CCDC3: variants seen among roughly 807,000 people sequenced by gnomAD.
The protein encoded by CCDC3 is coiled-coil domain-containing protein 3.
CCDC3 carries 24 observed loss-of-function variants against 21.4 expected under a neutral mutation model. That is an observed-to-expected ratio of 1.12 (90% CI 0.81 to 1.58). The LOEUF (loss-of-function observed/expected upper bound fraction) is 1.58. Among genes scored for constraint, CCDC3 ranks in the 40% most tolerant of loss-of-function variants. CCDC3 has a pLI of 0.00. For missense variants in CCDC3, 425 were observed against 360.9 expected (o/e 1.18, Z -1.44); for synonymous variants, 186 against 166.0 (o/e 1.12, Z -0.93).
At chr10:13,077,345 G>C (rs900991613) in intron 3 of CCDC3, among the ~76,000 whole-genome samples, 1 of 152,098 alleles carries the variant, frequency 6.6e-6, no homozygotes, top group Admixed American at 6.6e-5. Flanking sequence ...AACCACTGCT[G>C]AACGAAATAA....
chr10:12,910,786 G>C (rs1173468314), intron 2 of CCDC3, among the ~76,000 whole-genome samples: 1 of 151,752 alleles, frequency 6.6e-6, no homozygotes, highest in Non-Finnish European at 1.5e-5. Flanking sequence ...GTAGAGGCAG[G>C]GTTTCACCAT....
chr10:12,923,915 C>T (rs994157513), intron 2 of CCDC3, among the ~76,000 whole-genome samples: 12 of 152,218 alleles, frequency 7.9e-5, no homozygotes, highest in African/African-American at 2.2e-4. Flanking sequence ...CAACCCTGCT[C>T]CTCTACCCAC....
chr10:12,975,831 CA>C (rs1490756774), intron 2 of CCDC3, among the ~76,000 whole-genome samples: 1 of 152,168 alleles, frequency 6.6e-6, no homozygotes, highest in African/African-American at 2.4e-5. Context: ...AGCCCAATCC[CA>C]AATTGCAGGT....
chr10:12,908,133 G>C (rs533762616), intron 2 of CCDC3, among the ~76,000 whole-genome samples: 189 of 152,206 alleles, frequency 1.2e-3, no homozygotes, highest in Non-Finnish European at 2.4e-3. Context: ...AGATCATAAA[G>C]CCACGTCTTC....
intron 2 of CCDC3, among the ~76,000 whole-genome samples, chr10:12,941,132 G>A (rs7083713): frequency 6.6e-6 from 1 of 152,116 alleles, no homozygotes. Context: ...GATAAAACAG[G>A]TTGCAGTAAA....
At chr10:12,908,627 T>TTTTTA (rs1834216183) in intron 2 of CCDC3, among the ~76,000 whole-genome samples, 1 of 151,456 alleles carries the variant, frequency 6.6e-6, no homozygotes. Context: ...TTTTTTTTTT[T>TTTTTA]GAGACAGAGT....
chr10:12,967,729 G>T (rs1474791509), intron 2 of CCDC3, among the ~76,000 whole-genome samples: 1 of 152,100 alleles, frequency 6.6e-6, no homozygotes, highest in African/African-American at 2.4e-5. Flanking sequence ...AAACATAGGG[G>T]CAAAGGGGTA....
At chr10:13,098,640 G>T (rs943340294) in intron 2 of CCDC3, 1 of 149,608 alleles carries the variant, frequency 6.7e-6, no homozygotes, top group Non-Finnish European at 1.5e-5. Flanking sequence ...ATTAGAGATC[G>T]TCATTCCATT....
chr10:12,953,418 C>A (rs770851845), intron 2 of CCDC3, among the ~76,000 whole-genome samples: 17 of 152,178 alleles, frequency 1.1e-4, no homozygotes, highest in Non-Finnish European at 2.4e-4. Context: ...GTCTTTATAT[C>A]CCCAATACTA....
chr10:13,093,024 AC>A (rs1460899900), intron 3 of CCDC3, among the ~76,000 whole-genome samples: 1 of 109,216 alleles, frequency 9.2e-6, no homozygotes, highest in African/African-American at 3.5e-5. Context: ...TGAACCCCTC[AC>A]CTTTTTTTTT....
At chr10:13,086,395 T>C (rs1033260351) in intron 3 of CCDC3, among the ~76,000 whole-genome samples, 6 of 152,242 alleles carry the variant, frequency 3.9e-5, no homozygotes, top group African/African-American at 1.4e-4. Flanking sequence ...ATTTAAGATT[T>C]AAGGCAATTG....
At chr10:12,940,029 C>G (rs1013903983) in intron 2 of CCDC3, among the ~76,000 whole-genome samples, 4 of 152,140 alleles carry the variant, frequency 2.6e-5, no homozygotes, top group Admixed American at 6.5e-5. Context: ...TTAACCCATT[C>G]TAATTCCACT....
chr10:12,912,899 T>C (rs775842422), intron 2 of CCDC3, among the ~76,000 whole-genome samples: 14 of 152,264 alleles, frequency 9.2e-5, no homozygotes, highest in Non-Finnish European at 1.6e-4. Context: ...GGCATCTCTG[T>C]CGAAAATCCA....
chr10:12,928,773 G>A (rs1589009789), intron 2 of CCDC3, among the ~76,000 whole-genome samples: 1 of 152,162 alleles, frequency 6.6e-6, no homozygotes, highest in African/African-American at 2.4e-5. Context: ...TTCCATCCCT[G>A]GAGCAGCAAT....
intron 2 of CCDC3, among the ~76,000 whole-genome samples, chr10:12,949,968 T>A (rs1834983758): frequency 6.6e-6 from 1 of 152,240 alleles, no homozygotes; most frequent in South Asian, 2.1e-4. Context: ...GTGTGCCTAC[T>A]TTGGGTTCAC....
intron 2 of CCDC3, among the ~76,000 whole-genome samples, chr10:12,921,759 T>C (rs78848411): frequency 0.053 from 7,994 of 152,254 alleles, 229 homozygotes; most frequent in Non-Finnish European, 0.071. Flanking sequence ...TTTTTTGTTT[T>C]TAAGACAGGG....
rs199878973 is a variant in CCDC3 at position 13,095,462 on chromosome 10, G to A, written c.-503+3063C>T. On this transcript the variant is annotated intron_variant, in intron 3 of 6. Coordinates refer to the CCDC3 transcript ENST00000378839. Reference sequence around the variant, plus strand: ...GGGGGGGTGGTTTTGGGATGAAATGGGTCCACCTCAGATCATCAGGCATTA... The same window carrying A: ...GGGGGGGTGGTTTTGGGATGAAATGAGTCCACCTCAGATCATCAGGCATTA... Among the ~76,000 whole-genome samples, 17 of 152,196 alleles carry A rather than the reference G, an allele frequency of 1.1e-4. No individual in the cohort carries two copies. In the East Asian group the frequency reaches 3.3e-3, roughly 29 times the overall value.
intron 5 of CCDC3, among the ~76,000 whole-genome samples, chr10:13,035,768 G>A (rs1420156283): frequency 6.6e-6 from 1 of 152,208 alleles, no homozygotes; most frequent in African/African-American, 2.4e-5. Context: ...TCAGAAAATA[G>A]ACTTGAATAG....
chr10:12,940,917 C>G (rs1214554365), intron 2 of CCDC3, among the ~76,000 whole-genome samples: 1 of 152,018 alleles, frequency 6.6e-6, no homozygotes. Flanking sequence ...ATTTAGATCC[C>G]TGAGTAGGAA....
Sources: allele counts gnomAD v4.1 joint callset (sites outside exome capture counted in the v4.1 genomes callset), GRCh38; gene constraint gnomAD v4.1.1; transcripts MANE v1.5; gene names NCBI Gene and HGNC (gene_info 2026-07-23, HGNC 2026-07-21).